Variants in HOMER1 observed in about 807,000 individuals in gnomAD.
The protein encoded by HOMER1 is homer scaffold protein 1, also known as homer protein homolog 1.
HOMER1 carries 3 observed loss-of-function variants against 48.9 expected under a neutral mutation model. The observed-to-expected ratio is 0.06, with a 90% CI of 0.03 to 0.16. The LOEUF (loss-of-function observed/expected upper bound fraction) is 0.16, where lower values mean the gene tolerates loss of function less well. HOMER1 is among the 10% of genes least tolerant of loss of function. The pLI is 1.00. For missense variants in HOMER1, 247 were observed against 411.4 expected, an observed-to-expected ratio of 0.60 and a Z score of 3.46; for synonymous variants, 134 against 146.4, an observed-to-expected ratio of 0.92 and a Z score of 0.61.
intron 1 of HOMER1, among the ~76,000 whole-genome samples, chr5:79,485,016 T>A (rs1752057866): frequency 6.6e-6 from 1 of 152,162 alleles, no homozygotes; most frequent in African/African-American, 2.4e-5. Flanking sequence ...CTCTTTTCCC[T>A]GCCCAGTCTG....
intron 5 of HOMER1, among the ~76,000 whole-genome samples, chr5:79,404,015 G>A (rs1026101927): frequency 1.3e-5 from 2 of 152,084 alleles, no homozygotes; most frequent in African/African-American, 4.8e-5. Context: ...AAAAAAGCAT[G>A]CATGGATTCA....
intron 2 of HOMER1, among the ~76,000 whole-genome samples, chr5:79,451,556 CTTTTTTTTTTTTTTT>C: frequency 1.5e-5 from 1 of 64,640 alleles, no homozygotes; most frequent in East Asian, 6.5e-4. Flanking sequence ...AAATATGACA[CTTTTTTTTTTTTTTT>C]TTTTTTTTTT....
At chr5:79,510,621 A>C in intron 1 of HOMER1, 1 of 893,484 alleles carries the variant, frequency 1.1e-6, no homozygotes, top group Non-Finnish European at 1.8e-6. Flanking sequence ...AACAGTGCCA[A>C]GGCCATGAGT....
chr5:79,440,231 G>T (rs1425677654), intron 4 of HOMER1, among the ~76,000 whole-genome samples: 6 of 152,112 alleles, frequency 3.9e-5, no homozygotes, highest in African/African-American at 1.4e-4. Context: ...CAGTAACTGG[G>T]TTATATTTAT....
At chr5:79,381,247 T>C (rs566669772) in intron 8 of HOMER1, among the ~76,000 whole-genome samples, 42 of 152,274 alleles carry the variant, frequency 2.8e-4, no homozygotes, top group African/African-American at 9.1e-4. Flanking sequence ...ATTGATGCTA[T>C]TTACAGCCAA....
At chr5:79,424,498 A>G (rs1158333253) in intron 5 of HOMER1, among the ~76,000 whole-genome samples, 1 of 152,038 alleles carries the variant, frequency 6.6e-6, no homozygotes, top group Non-Finnish European at 1.5e-5. Context: ...ATTCATAACT[A>G]TGGGAAAGCA....
chr5:79,484,282 A>T (rs1752034784), intron 1 of HOMER1, among the ~76,000 whole-genome samples: 1 of 152,006 alleles, frequency 6.6e-6, no homozygotes, highest in African/African-American at 2.4e-5. Flanking sequence ...ATAAATCATA[A>T]AAAAACACTC....
At chr5:79,403,131 C>A (rs770250841) in intron 5 of HOMER1, among the ~76,000 whole-genome samples, 4 of 152,146 alleles carry the variant, frequency 2.6e-5, no homozygotes, top group Admixed American at 6.5e-5. Flanking sequence ...TCCTAACTTT[C>A]CAATGAAGAA....
intron 1 of HOMER1, among the ~76,000 whole-genome samples, chr5:79,508,552 A>G (rs1255832615): frequency 6.6e-6 from 1 of 152,238 alleles, no homozygotes; most frequent in Admixed American, 6.5e-5. Flanking sequence ...GAGCTAGCTC[A>G]AGCAAACAAG....
intron 4 of HOMER1, among the ~76,000 whole-genome samples, chr5:79,440,646 A>G (rs1750712909): frequency 6.6e-6 from 1 of 152,228 alleles, no homozygotes; most frequent in African/African-American, 2.4e-5. Flanking sequence ...GGGAATAGCA[A>G]TCACAAAGTG....
In HOMER1 at chr5:79,447,910, A is replaced by C. The variant is rs180800211; in HGVS notation, c.295-765T>G. Reference sequence around the variant, plus strand: ...AAGACTACATAATAACTACATGTAAAAACCCCAAATCCCTATGCAACTTAA... The same window carrying C: ...AAGACTACATAATAACTACATGTAACAACCCCAAATCCCTATGCAACTTAA... On this transcript the variant is annotated intron_variant, in intron 3 of 8. Coordinates refer to ENST00000334082, the MANE Select transcript of HOMER1 (RefSeq NM_004272.5). Among the ~76,000 whole-genome samples, 255 of 152,302 alleles carry C rather than the reference A, an allele frequency of 1.7e-3. 1 individual carries two copies. The highest frequency in any genetic ancestry group is 5.9e-3 in the African/African-American group (247 of 41,568).
intron 2 of HOMER1, among the ~76,000 whole-genome samples, chr5:79,455,025 A>G (rs553784057): frequency 1.1e-4 from 16 of 151,932 alleles, no homozygotes; most frequent in African/African-American, 3.9e-4. Flanking sequence ...ATCATAGCTC[A>G]CTGCAGCTTT....
intron 1 of HOMER1, among the ~76,000 whole-genome samples, chr5:79,487,071 G>C (rs1399650406): frequency 6.6e-6 from 1 of 152,136 alleles, no homozygotes; most frequent in Non-Finnish European, 1.5e-5. Flanking sequence ...ACAAGGTCAA[G>C]AGATCAAAAC....
At chr5:79,465,584 C>CTTT (rs10666507) in intron 1 of HOMER1, among the ~76,000 whole-genome samples, 1,752 of 77,900 alleles carry the variant, frequency 0.022, 235 homozygotes, top group East Asian at 0.077. Context: ...TACATTTCTT[C>CTTT]TTTTTTTTTT....
At chr5:79,462,836 G>C (rs1407500039) in intron 1 of HOMER1, among the ~76,000 whole-genome samples, 1 of 152,110 alleles carries the variant, frequency 6.6e-6, no homozygotes, top group Non-Finnish European at 1.5e-5. Context: ...CCAAGAGAGT[G>C]CAAAGGCATA....
intron 1 of HOMER1, among the ~76,000 whole-genome samples, chr5:79,483,353 C>A (rs1317980604): frequency 6.6e-6 from 1 of 152,078 alleles, no homozygotes; most frequent in Non-Finnish European, 1.5e-5. Context: ...TTTCATCTTT[C>A]AGAATTTACC....
At chr5:79,408,502 GA>G (rs1037756636) in intron 5 of HOMER1, among the ~76,000 whole-genome samples, 11 of 152,140 alleles carry the variant, frequency 7.2e-5, no homozygotes, top group African/African-American at 2.7e-4. Flanking sequence ...CCAAAGGTAT[GA>G]TAATACGAAG....
intron 5 of HOMER1, among the ~76,000 whole-genome samples, chr5:79,415,178 C>T (rs1305277983): frequency 6.6e-6 from 1 of 151,914 alleles, no homozygotes. Flanking sequence ...CTCAGTCTCC[C>T]AAGCAGCTGG....
At chr5:79,495,615 G>A (rs1752398831) in intron 1 of HOMER1, among the ~76,000 whole-genome samples, 1 of 152,202 alleles carries the variant, frequency 6.6e-6, no homozygotes, top group African/African-American at 2.4e-5. Flanking sequence ...TGCTCATGAG[G>A]CACAGTGTTA....
Sources: gnomAD v4.1 joint callset for allele counts (sites outside exome capture counted in the v4.1 genomes callset) on GRCh38, gnomAD v4.1.1 for gene constraint, MANE v1.5 for transcripts, NCBI Gene and HGNC (gene_info 2026-07-23, HGNC 2026-07-21) for gene names.